The following FLT4 variants were observed in gnomAD, a reference collection of about 807,000 sequenced individuals.
The protein encoded by FLT4 is fms related receptor tyrosine kinase 4.
FLT4 carries 30 observed loss-of-function variants against 163.2 expected under a neutral mutation model. That is an observed-to-expected ratio of 0.18 (90% CI 0.14 to 0.25). The LOEUF is 0.25. Ranked by LOEUF, FLT4 falls within the 10% of genes least tolerant of loss-of-function variation. The pLI is 1.00. For missense variants in FLT4, 1,510 were observed against 1,863.8 expected, an observed-to-expected ratio of 0.81 and a Z score of 3.50; for synonymous variants, 884 against 789.5, an observed-to-expected ratio of 1.12 and a Z score of -2.01.
Position 180,636,009 on chromosome 5 carries a change from G to C in FLT4, c.59-4231C>G, listed in dbSNP as rs1451044891. Among the ~76,000 whole-genome samples the C allele has an allele frequency of 6.6e-6, 1 of 151,404 alleles. No individual in the cohort carries two copies. The highest frequency in any genetic ancestry group is 1.5e-5 in the Non-Finnish European group (1 of 67,812). On this transcript the variant is annotated intron_variant, in intron 1 of 29. Coordinates refer to ENST00000261937, the MANE Select transcript of FLT4 (RefSeq NM_182925.5). The surrounding 1 kb of genome is among the most constrained non-coding windows in gnomAD (Gnocchi z 4.3). ...GGTGGAAGGATGAATGGATGGATGG[G>C]TGGAAGAGTGGGTGGACAGGTGAAA...
intron 8 of FLT4, among the ~76,000 whole-genome samples, chr5:180,627,221 G>C (rs914581660): frequency 3.3e-5 from 5 of 152,178 alleles, no homozygotes; most frequent in African/African-American, 9.7e-5. Context: ...ACTGTGTCCT[G>C]GGAGAGGCAC....
At chr5:180,624,390 C>A (rs373312689) in intron 10 of FLT4, among the ~76,000 whole-genome samples, 114 of 152,248 alleles carry the variant, frequency 7.5e-4, no homozygotes, top group African/African-American at 2.7e-3. Flanking sequence ...CCACGCCTGG[C>A]TATTTTTTTT....
chr5:180,621,326 A>G (rs1763124402), intron 13 of FLT4, 74 bp from the exon 14 acceptor site: 3 of 1,525,104 alleles, frequency 2.0e-6, no homozygotes, highest in East Asian at 2.3e-5. Flanking sequence ...CTGGGAGCAG[A>G]GGTAGAAAAG....
Position 180,602,608 on chromosome 5 carries a change from G to A in FLT4, c.*584C>T. 1 of 405,842 alleles carries A rather than the reference G, an allele frequency of 2.5e-6. No homozygotes were observed. Among genetic ancestry groups the A allele is most frequent in the Non-Finnish European group, 4.4e-6 (1 of 229,742 alleles). The allele number at this position is 405,842 out of a possible 1,614,324, so 25.1% of individuals were successfully genotyped here. ...CTGTCATACTGGTGGCCACCCCAGG[G>A]GCTAGTTGGCTGTTTGGTCAGGCCC... is the stretch of plus-strand genomic sequence containing the variant. On this transcript the variant is annotated 3_prime_UTR_variant, in exon 30 of 30. Coordinates refer to ENST00000261937, the MANE Select transcript of FLT4 (RefSeq NM_182925.5).
rs567976800 is a variant in FLT4 at position 180,640,782 on chromosome 5, C to G, written c.58+8706G>C. Among the ~76,000 whole-genome samples the G allele has an allele frequency of 4.4e-4, 67 of 152,292 alleles. 1 individual carries two copies. In the South Asian group the frequency reaches 0.013, roughly 30 times the overall value. Reference sequence around the variant, plus strand: ...CCTGCGTCCCTTGTTCTGTACAGAACCCATATTTTCTCATCAAATCCTCTC... The same window carrying G: ...CCTGCGTCCCTTGTTCTGTACAGAAGCCATATTTTCTCATCAAATCCTCTC... On this transcript the variant is annotated intron_variant, in intron 1 of 29. Coordinates refer to ENST00000261937, the MANE Select transcript of FLT4 (RefSeq NM_182925.5).
chr5:180,613,723 G>A (rs907474060), intron 24 of FLT4: 4 of 413,482 alleles, frequency 9.7e-6, no homozygotes, highest in South Asian at 2.3e-5. Context: ...GCTCGCAGCG[G>A]GGCCTGAGTT....
Position 180,621,866 on chromosome 5 carries a change from C to T in FLT4, c.1696G>A (p.Glu566Lys), listed in dbSNP as rs757667364. ...ACCGGCTGGCCCTCTAGTAGCTCCT[C>T]GGATGGCTTGGATTCGATGGTGAAG... Reference protein sequence around the residue: ...DGFTIESKPSEELLEGQPVLL... With the variant: ...DGFTIESKPSKELLEGQPVLL... Residue 566 changes from glutamate to lysine, a missense_variant, in exon 13 of 30, where the codon GAG becomes AAG. Glu to Lys is a moderately conservative substitution (Grantham distance 56). Around this residue, in one of 5 missense-constraint regions of FLT4, gnomAD observed 878 missense variants for 1,016.7 expected, o/e 0.86. Transcript: ENST00000261937. 2.6e-5 allele frequency: 42 copies of T among 1,613,386 alleles called. No individual in the cohort carries two copies. The Admixed American group carries it at 6.2e-4, about 24-fold the overall frequency.
chr5:180,615,007 C>G (rs1490327355), intron 23 of FLT4, among the ~76,000 whole-genome samples: 1 of 152,230 alleles, frequency 6.6e-6, no homozygotes, highest in Non-Finnish European at 1.5e-5. Context: ...GCGGGTCCAT[C>G]TCCAGGACAG....
chr5:180,615,222 T>C (rs1762559128), intron 23 of FLT4, among the ~76,000 whole-genome samples: 3 of 108,354 alleles, frequency 2.8e-5, no homozygotes, highest in Admixed American at 2.7e-4. Flanking sequence ...CTCCACTTCC[T>C]TTTGGAGCAC....
At chr5:180,648,228 G>C (rs753756752) in intron 1 of FLT4, among the ~76,000 whole-genome samples, 1 of 152,192 alleles carries the variant, frequency 6.6e-6, no homozygotes, top group East Asian at 1.9e-4. Flanking sequence ...TGGCCTGCCC[G>C]ACTCGGAGGC....
rs751069252 is a variant in FLT4 at position 180,620,741 on chromosome 5, T to C, written c.2300-26A>G. Reference sequence around the variant, plus strand: ...CTGCGTGGGCAGAAAGGGGCCGGCGTGTGTGTGTGTGTGTGTAAGAGCGTG... The same window carrying C: ...CTGCGTGGGCAGAAAGGGGCCGGCGCGTGTGTGTGTGTGTGTAAGAGCGTG... On this transcript the variant is annotated intron_variant, in intron 15 of 29. Transcript: ENST00000261937. This position sits in a 1 kb window ranked among gnomAD's most constrained non-coding sequence, Gnocchi z 4.4. The C allele has an allele frequency of 9.4e-6, 9 of 958,366 alleles. No homozygotes were observed. Among genetic ancestry groups the C allele is most frequent in the Non-Finnish European group, 1.1e-5 (8 of 702,616 alleles). 59.4% of individuals were successfully genotyped at this position (958,366 alleles called of 1,614,324 possible).
At chr5:180,626,666 C>A (rs2127829071) in intron 8 of FLT4, among the ~76,000 whole-genome samples, 1 of 152,342 alleles carries the variant, frequency 6.6e-6, no homozygotes, top group African/African-American at 2.4e-5. Flanking sequence ...TCCCACACAC[C>A]TGGTTCCTCC....
At chr5:180,611,285 A>G in intron 27 of FLT4, 46 bp downstream of exon 27, 1 of 1,609,222 alleles carries the variant, frequency 6.2e-7, no homozygotes, top group Non-Finnish European at 8.5e-7. Context: ...CACCTTGTCC[A>G]CATGGCTTTC....
In FLT4 at chr5:180,630,512, T is replaced by C. The variant is rs2127838273; in HGVS notation, c.400+43A>G. The C allele has an allele frequency of 6.2e-7, 1 of 1,610,676 alleles. No individual in the cohort carries two copies. Among genetic ancestry groups the C allele is most frequent in the African/African-American group, 1.3e-5 (1 of 74,982 alleles). ...GGCTGGGGGCGGTGTGGGCCCCAGC[T>C]GCCCGGGACCCTGCTCCAGCCTGGC... On this transcript the variant is annotated intron_variant, in intron 3 of 29. Transcript: ENST00000261937. This position sits in a 1 kb window ranked among gnomAD's most constrained non-coding sequence, Gnocchi z 6.3.
intron 7 of FLT4, 66 bp from the exon 8 acceptor site, chr5:180,629,065 C>T: frequency 6.7e-7 from 1 of 1,489,256 alleles, no homozygotes; most frequent in Non-Finnish European, 9.4e-7. Context: ...AGGGACTCCC[C>T]CCACGGCCCC....
At chr5:180,644,931 G>A (rs528570066) in intron 1 of FLT4, among the ~76,000 whole-genome samples, 22 of 152,358 alleles carry the variant, frequency 1.4e-4, no homozygotes, top group Admixed American at 1.2e-3. Context: ...GGCCCCTTCC[G>A]CTTGGAGCAG....
chr5:180,632,355 G>T (rs1326898898), intron 1 of FLT4, among the ~76,000 whole-genome samples: 1 of 151,756 alleles, frequency 6.6e-6, no homozygotes, highest in Non-Finnish European at 1.5e-5. Flanking sequence ...GTGTCCTTTC[G>T]CTCCTCAGCT....
Position 180,620,455 on chromosome 5 carries a change from G to A in FLT4, c.2407-147C>T. 4 of 1,263,928 alleles carry A rather than the reference G, an allele frequency of 3.2e-6. No homozygotes were observed. The South Asian group carries it at 3.7e-5, about 12-fold the overall frequency. The allele number at this position is 1,263,928 out of a possible 1,614,324, so 78.3% of individuals were successfully genotyped here. On this transcript the variant is annotated intron_variant, in intron 16 of 29. Transcript: ENST00000261937. The surrounding 1 kb of genome is among the most constrained non-coding windows in gnomAD (Gnocchi z 4.4). ...ACAGAAAAAAAGACAGACAACCTCTGCGGGGTTGGAGCCCAGCGTGAAGGG... is the reference window on the plus strand; with the variant it reads ...ACAGAAAAAAAGACAGACAACCTCTACGGGGTTGGAGCCCAGCGTGAAGGG...
In FLT4 at chr5:180,631,842, T is replaced by C. The variant is rs2290985; in HGVS notation, c.59-64A>G. On this transcript the variant is annotated intron_variant, in intron 1 of 29. Transcript: ENST00000261937. ...GACTTGGCACGACGTTGATGGGGCA[T>C]GGCTGGGCATTCTGCATCGCAAGCG... 72,092 of 1,152,174 alleles carry C rather than the reference T, an allele frequency of 0.063. 2,870 individuals carry two copies. The highest frequency in any genetic ancestry group is 0.13 in the East Asian group (5,544 of 42,496). 71.4% of individuals were successfully genotyped at this position (1,152,174 alleles called of 1,614,324 possible). A position where few individuals can be genotyped will look rare whatever the true frequency, so the allele number is the denominator to read the frequency against.
Sources: gnomAD v4.1 joint callset for allele counts (sites outside exome capture counted in the v4.1 genomes callset) on GRCh38, gnomAD v4.1.1 for gene constraint, gnomAD v4.1.1 regional missense constraint, Gnocchi (gnomAD v3.1) non-coding constraint, MANE v1.5 for transcripts, NCBI Gene and HGNC (gene_info 2026-07-23, HGNC 2026-07-21) for gene names.